The following BMP5 variants were observed in gnomAD, a reference collection of about 807,000 sequenced individuals.
BMP5 encodes the protein bone morphogenetic protein 5.
A neutral mutation model predicts 46.6 loss-of-function variants in BMP5; 23 were observed. That is an observed-to-expected ratio of 0.49 (90% CI 0.35 to 0.70). The LOEUF is 0.70. BMP5 is among the 30% of genes least tolerant of loss of function. BMP5 has a pLI of 0.00. For missense variants in BMP5, 545 were observed against 565.6 expected (o/e 0.96, Z 0.37); for synonymous variants, 204 against 191.9 (o/e 1.06, Z -0.52).
intron 3 of BMP5, among the ~76,000 whole-genome samples, chr6:55,788,148 A>T (rs562026529): frequency 4.3e-4 from 65 of 151,834 alleles, no homozygotes; most frequent in African/African-American, 1.5e-3. Flanking sequence ...GTCCTGAGGC[A>T]TTTTAAACAG....
At chr6:55,833,536 G>A (rs1164991032) in intron 1 of BMP5, among the ~76,000 whole-genome samples, 2 of 152,100 alleles carry the variant, frequency 1.3e-5, no homozygotes, top group Admixed American at 6.6e-5. Context: ...ACTCTAGGAA[G>A]CCATGTAAAT....
At chr6:55,791,576 A>G (rs186650486) in intron 3 of BMP5, among the ~76,000 whole-genome samples, 1 of 152,312 alleles carries the variant, frequency 6.6e-6, no homozygotes, top group East Asian at 1.9e-4. Flanking sequence ...AATATAAGAG[A>G]AAATTAATCA....
intron 3 of BMP5, 93 bp from the exon 4 acceptor site, chr6:55,774,336 A>G: frequency 8.0e-7 from 1 of 1,242,960 alleles, no homozygotes; most frequent in Non-Finnish European, 1.2e-6. Context: ...AAAGGGGAAA[A>G]GTTTTAAAAC....
intron 1 of BMP5, among the ~76,000 whole-genome samples, chr6:55,830,969 T>C (rs1223590707): frequency 1.3e-5 from 2 of 152,074 alleles, no homozygotes; most frequent in Non-Finnish European, 2.9e-5. Context: ...GTTTAGACTT[T>C]TTTTTTCCTA....
chr6:55,803,888 T>C (rs1775918674), intron 2 of BMP5, among the ~76,000 whole-genome samples: 1 of 152,200 alleles, frequency 6.6e-6, no homozygotes, highest in Non-Finnish European at 1.5e-5. Context: ...GTTCTTCTTT[T>C]TCTCTCCAAT....
At chr6:55,843,944 T>G (rs991473980) in intron 1 of BMP5, among the ~76,000 whole-genome samples, 1 of 152,040 alleles carries the variant, frequency 6.6e-6, no homozygotes, top group Middle Eastern at 3.2e-3. Context: ...TAGGTATCAG[T>G]CATGATTTTT....
At chr6:55,829,657 G>A (rs1278168742) in intron 1 of BMP5, among the ~76,000 whole-genome samples, 1 of 151,276 alleles carries the variant, frequency 6.6e-6, no homozygotes, top group Non-Finnish European at 1.5e-5. Context: ...ATTCTTTAAT[G>A]AATATATTAC....
chr6:55,768,290 A>G (rs1259374481), intron 4 of BMP5, among the ~76,000 whole-genome samples: 1 of 151,972 alleles, frequency 6.6e-6, no homozygotes, highest in East Asian at 1.9e-4. Flanking sequence ...TATCTGATTT[A>G]CAATGCTTTG....
chr6:55,821,243 C>CTT (rs1228794992), intron 1 of BMP5, among the ~76,000 whole-genome samples: 1 of 152,160 alleles, frequency 6.6e-6, no homozygotes, highest in Non-Finnish European at 1.5e-5. Flanking sequence ...GCTTTGCCTT[C>CTT]ATCCTCCATA....
intron 3 of BMP5, among the ~76,000 whole-genome samples, chr6:55,789,138 C>A (rs867896606): frequency 6.6e-6 from 1 of 151,684 alleles, no homozygotes; most frequent in African/African-American, 2.4e-5. Context: ...TCTGACAAAA[C>A]GACATTTTGA....
At chr6:55,823,790 C>T (rs887882729) in intron 1 of BMP5, among the ~76,000 whole-genome samples, 1 of 151,870 alleles carries the variant, frequency 6.6e-6, no homozygotes, top group Non-Finnish European at 1.5e-5. Flanking sequence ...GGACTCAGTT[C>T]ATTCTTTTAG....
intron 4 of BMP5, among the ~76,000 whole-genome samples, chr6:55,771,178 C>G (rs1775038782): frequency 6.6e-6 from 1 of 151,778 alleles, no homozygotes; most frequent in Non-Finnish European, 1.5e-5. Context: ...TGCCTGTACT[C>G]TATTCTTTTC....
chr6:55,854,908 AT>A (rs1475260816), intron 1 of BMP5, among the ~76,000 whole-genome samples: 1 of 152,070 alleles, frequency 6.6e-6, no homozygotes, highest in Admixed American at 6.6e-5. Flanking sequence ...TCTTTTTTAT[AT>A]TTTTGTATGC....
At chr6:55,860,695 A>G (rs560387818) in intron 1 of BMP5, among the ~76,000 whole-genome samples, 2 of 152,246 alleles carry the variant, frequency 1.3e-5, no homozygotes, top group South Asian at 2.1e-4. Context: ...CAAAGCAGAG[A>G]TTAGTTTTCA....
intron 1 of BMP5, among the ~76,000 whole-genome samples, chr6:55,862,338 C>T (rs570810609): frequency 1.3e-5 from 2 of 152,250 alleles, no homozygotes; most frequent in South Asian, 2.1e-4. Context: ...TCCCCAATAC[C>T]GTAAGTAGAT....
chr6:55,797,409 G>T (rs1775741070), intron 2 of BMP5, among the ~76,000 whole-genome samples: 1 of 152,100 alleles, frequency 6.6e-6, no homozygotes, highest in African/African-American at 2.4e-5. Context: ...AAATAGTAAT[G>T]CATTTAAGAA....
rs368462312 is a variant in BMP5, at chr6:55,853,107, G to A, written c.490+21269C>T. On this transcript the variant is annotated intron_variant, in intron 1 of 6. Coordinates refer to ENST00000370830, the MANE Select transcript of BMP5 (RefSeq NM_021073.4). ...ATCGCACCACTGCAACTCCAGCCTG[G>A]GTTACAGAGGAAGACTACATCTCAA... Among the ~76,000 whole-genome samples the A allele has an allele frequency of 6.1e-5, 9 of 148,018 alleles. No homozygotes were observed. The South Asian group carries it at 1.3e-3, about 21-fold the overall frequency.
At chr6:55,871,728 G>A (rs529290945) in intron 1 of BMP5, among the ~76,000 whole-genome samples, 1 of 151,774 alleles carries the variant, frequency 6.6e-6, no homozygotes, top group South Asian at 2.1e-4. Context: ...TCCATTATTT[G>A]ACTTGAAAAG....
chr6:55,798,803 T>A (rs1031002205), intron 2 of BMP5, among the ~76,000 whole-genome samples: 1 of 152,206 alleles, frequency 6.6e-6, no homozygotes, highest in Non-Finnish European at 1.5e-5. Context: ...CATGGGCTAT[T>A]GGTATGTTTG....
Sources: gnomAD v4.1 joint callset for allele counts (sites outside exome capture counted in the v4.1 genomes callset) on GRCh38, gnomAD v4.1.1 for gene constraint, MANE v1.5 for transcripts, NCBI Gene and HGNC (gene_info 2026-07-23, HGNC 2026-07-21) for gene names.